Variants in UNC79 observed in about 807,000 individuals in gnomAD.
The protein encoded by UNC79 is unc-79 subunit of NALCN channel complex.
In UNC79, 37 loss-of-function variants were observed where a neutral mutation model predicts 283.1. That is an observed-to-expected ratio of 0.13 (90% CI 0.10 to 0.17). The LOEUF (loss-of-function observed/expected upper bound fraction) is 0.17. Among genes scored for constraint, UNC79 ranks in the 10% least tolerant of loss-of-function variants. The pLI is 1.00. For missense variants in UNC79, 2,272 were observed against 3,211.1 expected, an observed-to-expected ratio of 0.71 and a Z score of 7.07; for synonymous variants, 1,107 against 1,200.2, an observed-to-expected ratio of 0.92 and a Z score of 1.61.
intron 7 of UNC79, among the ~76,000 whole-genome samples, chr14:93,518,313 G>C (rs2060166226): frequency 2.0e-5 from 3 of 151,818 alleles, no homozygotes; most frequent in Admixed American, 1.3e-4. Context: ...TTGAGTTATA[G>C]TGAGTTATTT....
rs1257362806 is a variant in UNC79, at chr14:93,493,893, A to AT, written c.713-2517dup. ...GTGCCACATATATATATATATATATATATATATATTTTTTTTTTTTTTTTT... is the reference window on the plus strand; with the variant it reads ...GTGCCACATATATATATATATATATATTATATATATTTTTTTTTTTTTTTTT... On this transcript the variant is annotated intron_variant, in intron 5 of 48. Coordinates refer to ENST00000555664, the Ensembl canonical transcript of UNC79. Among the ~76,000 whole-genome samples the AT allele has an allele frequency of 2.9e-3, 113 of 39,176 alleles. 1 individual carries two copies. The highest frequency in any genetic ancestry group is 4.7e-3 in the Admixed American group (10 of 2,114). The allele number at this position is 39,176 out of a possible 152,430, so 25.7% of individuals were successfully genotyped here.
At chr14:93,566,229 A>G (rs938382595) in intron 14 of UNC79, among the ~76,000 whole-genome samples, 64 of 152,162 alleles carry the variant, frequency 4.2e-4, no homozygotes, top group Non-Finnish European at 9.0e-4. Flanking sequence ...AGAATCTCTT[A>G]TAAACCAGAC....
chr14:93,525,316 G>T (rs899948477), intron 8 of UNC79, among the ~76,000 whole-genome samples: 2 of 152,118 alleles, frequency 1.3e-5, no homozygotes, highest in African/African-American at 2.4e-5. Context: ...GGGCGTGGTG[G>T]TGTGTGCCTG....
chr14:93,626,340 ACTGT>A (rs55989730), intron 30 of UNC79, among the ~76,000 whole-genome samples: 176 of 152,264 alleles, frequency 1.2e-3, no homozygotes, highest in Non-Finnish European at 2.1e-3. Context: ...ATGTAGGTTA[ACTGT>A]CTGTAGTCCT....
intron 1 of UNC79, among the ~76,000 whole-genome samples, chr14:93,434,363 G>A (rs2056002903): frequency 6.6e-6 from 1 of 152,166 alleles, no homozygotes; most frequent in African/African-American, 2.4e-5. Flanking sequence ...GGTGATTGCA[G>A]AAGAGTTAAA....
In UNC79 at chr14:93,608,573, C is replaced by A. The variant is rs115657657; in HGVS notation, c.3755-4224C>A. On this transcript the variant is annotated intron_variant, in intron 26 of 48. Coordinates refer to ENST00000555664, the Ensembl canonical transcript of UNC79. ...ACAAGGGAAAACTGAGGTAAGGAAG[C>A]AGGGAGATGAGCGAGGCAGTGTAGT... Among the ~76,000 whole-genome samples the A allele has an allele frequency of 6.2e-3, 950 of 152,302 alleles. 6 individuals are homozygous for A. The highest frequency in any genetic ancestry group is 0.022 in the African/African-American group (908 of 41,562).
intron 7 of UNC79, among the ~76,000 whole-genome samples, chr14:93,502,573 T>C (rs1253991772): frequency 1.3e-5 from 2 of 152,260 alleles, no homozygotes; most frequent in East Asian, 3.8e-4. Context: ...TATGCTTTTC[T>C]GCTTCTGTGG....
intron 40 of UNC79, among the ~76,000 whole-genome samples, chr14:93,665,543 G>A (rs947209443): frequency 4.6e-5 from 7 of 151,926 alleles, no homozygotes; most frequent in African/African-American, 1.7e-4. Context: ...AGCCCTGAAA[G>A]TATTATAAAT....
At chr14:93,615,162 A>G (rs1386138007) in intron 27 of UNC79, among the ~76,000 whole-genome samples, 4 of 152,188 alleles carry the variant, frequency 2.6e-5, no homozygotes, top group African/African-American at 9.6e-5. Context: ...GAGAAAACAT[A>G]TTGCAAAGCA....
chr14:93,520,905 T>G (rs2140962606), intron 7 of UNC79, among the ~76,000 whole-genome samples: 1 of 152,198 alleles, frequency 6.6e-6, no homozygotes, highest in South Asian at 2.1e-4. Flanking sequence ...CTGATCTGTT[T>G]TCCCCCTGGT....
exon 19 of UNC79, chr14:93,580,216 T>C (rs749298214): frequency 6.2e-7 from 1 of 1,614,148 alleles, no homozygotes; most frequent in South Asian, 1.1e-5. Context: ...ATTATTTCTA[T>C]TATAAACAAT....
intron 47 of UNC79, among the ~76,000 whole-genome samples, chr14:93,701,832 A>G (rs2075552952): frequency 6.6e-6 from 1 of 152,220 alleles, no homozygotes; most frequent in African/African-American, 2.4e-5. Context: ...CATAGATTAC[A>G]TCAATGGGGA....
chr14:93,671,402 T>C (rs1283026390), intron 40 of UNC79, among the ~76,000 whole-genome samples: 2 of 152,112 alleles, frequency 1.3e-5, no homozygotes, highest in African/African-American at 4.8e-5. Context: ...ATATTTATTA[T>C]TTAAAAAGGA....
Position 93,617,246 on chromosome 14 carries a change from C to A in UNC79, c.4166C>A (p.Ser1389Tyr). The change falls in exon 28 of 49, where the codon TCC (serine) becomes TAC (tyrosine). Residue 1389 changes from serine (S) to tyrosine (Y), a missense_variant. By Grantham distance (144) the Ser-to-Tyr change is moderately radical. This residue lies in a region of UNC79 where 128 missense variants were observed against 230.3 expected (regional missense o/e 0.56). Transcript: ENST00000555664. This position sits in a 1 kb window ranked among gnomAD's most constrained non-coding sequence, Gnocchi z 4.5. Reference sequence around the variant, plus strand: ...CAGCCGCCTCGTTGCTCCCTCTGGTCCCTAAAGCCTCACATCCGGCAGATG... The same window carrying A: ...CAGCCGCCTCGTTGCTCCCTCTGGTACCTAAAGCCTCACATCCGGCAGATG... 6.2e-7 allele frequency: 1 copy of A among 1,614,202 alleles called. No individual in the cohort carries two copies. Among genetic ancestry groups the A allele is most frequent in the East Asian group, 2.2e-5 (1 of 44,886 alleles).
At chr14:93,488,498 G>GTTTTT (rs144114616) in intron 5 of UNC79, among the ~76,000 whole-genome samples, 1 of 150,416 alleles carries the variant, frequency 6.6e-6, no homozygotes, top group Non-Finnish European at 1.5e-5. Flanking sequence ...GTGACACTGT[G>GTTTTT]GTTTTTTTTT....
At chr14:93,432,420 C>A (rs140363757) in intron 1 of UNC79, among the ~76,000 whole-genome samples, 8 of 152,084 alleles carry the variant, frequency 5.3e-5, no homozygotes, top group Non-Finnish European at 1.0e-4. Flanking sequence ...CATCTGTAAA[C>A]CTGGGCTAAT....
At chr14:93,634,242 A>G (rs935104856) in intron 31 of UNC79, among the ~76,000 whole-genome samples, 1 of 152,244 alleles carries the variant, frequency 6.6e-6, no homozygotes, top group African/African-American at 2.4e-5. Context: ...TAATTTTAAA[A>G]GTAGATGAAG....
intron 4 of UNC79, 105 bp downstream of exon 4, chr14:93,477,833 C>T: frequency 9.4e-7 from 1 of 1,064,280 alleles, no homozygotes; most frequent in Admixed American, 2.4e-5. Flanking sequence ...AATGGAATCA[C>T]TTGATATATA....
exon 49 of UNC79, chr14:93,706,833 T>G: frequency 1.9e-6 from 3 of 1,614,216 alleles, no homozygotes; most frequent in Non-Finnish European, 2.5e-6. Context: ...GTGGTTGCAG[T>G]GCACTCAGTT....
Sources: allele counts gnomAD v4.1 joint callset (sites outside exome capture counted in the v4.1 genomes callset), GRCh38; gene constraint gnomAD v4.1.1; regional missense constraint gnomAD v4.1.1; non-coding constraint Gnocchi (gnomAD v3.1); transcripts MANE v1.5; gene names NCBI Gene and HGNC (gene_info 2026-07-23, HGNC 2026-07-21).